The following PROM1 variants were observed in gnomAD, a reference collection of about 807,000 sequenced individuals.
PROM1 encodes the protein prominin 1.
A neutral mutation model predicts 116.9 loss-of-function variants in PROM1; 105 were observed. The ratio of observed to expected loss-of-function variants is 0.90; its 90% CI spans 0.77 to 1.06. The LOEUF is 1.06. Among genes scored for constraint, PROM1 ranks in the 50% least tolerant of loss-of-function variants. PROM1 has a pLI of 0.00. For missense variants in PROM1, 1,122 were observed against 1,045.2 expected (o/e 1.07, Z -1.01); for synonymous variants, 393 against 387.0 (o/e 1.02, Z -0.18).
chr4:16,053,848 A>T (rs1738406626), intron 2 of PROM1, among the ~76,000 whole-genome samples: 1 of 152,168 alleles, frequency 6.6e-6, no homozygotes, highest in Non-Finnish European at 1.5e-5. Flanking sequence ...TAATCCCAGC[A>T]CTCTGGGAGG....
chr4:15,973,286 A>G (rs573074229), intron 26 of PROM1, among the ~76,000 whole-genome samples: 2 of 152,280 alleles, frequency 1.3e-5, no homozygotes, highest in South Asian at 2.1e-4. Flanking sequence ...ATCTCTACTA[A>G]TAACAGAAAA....
chr4:15,991,102 T>C (rs548225525), intron 18 of PROM1, 120 bp downstream of exon 18: 2 of 735,374 alleles, frequency 2.7e-6, no homozygotes, highest in South Asian at 3.6e-5. Context: ...ACAAGAGAGG[T>C]GTTTATGAAC....
intron 2 of PROM1, among the ~76,000 whole-genome samples, chr4:16,071,535 G>A (rs1193327047): frequency 6.6e-6 from 1 of 152,130 alleles, no homozygotes; most frequent in Non-Finnish European, 1.5e-5. Context: ...GTTTAAATTA[G>A]GTCATAAGGG....
intron 2 of PROM1, among the ~76,000 whole-genome samples, chr4:16,062,727 T>C (rs1159276710): frequency 6.6e-6 from 1 of 152,234 alleles, no homozygotes; most frequent in Admixed American, 6.6e-5. Flanking sequence ...CTTCTAACAA[T>C]TAACGCCTAA....
intron 9 of PROM1, among the ~76,000 whole-genome samples, chr4:16,017,423 T>C (rs924186460): frequency 6.6e-6 from 1 of 152,252 alleles, no homozygotes; most frequent in African/African-American, 2.4e-5. Flanking sequence ...AAAATGATTA[T>C]AGTGATATCC....
At position 16,023,346 on chromosome 4, in the gene PROM1, T is replaced by G. The variant is rs1428949606; in HGVS notation, c.764A>C (p.Glu255Ala). Residue 255 changes from glutamate (E) to alanine (A), a missense_variant, in exon 8 of 28, where the codon GAG becomes GCG. By Grantham distance (107) the Glu-to-Ala change is moderately radical. Coordinates refer to ENST00000447510, the MANE Select transcript of PROM1 (RefSeq NM_006017.3). Reference sequence around the variant, plus strand: ...CTTACCTGTTGCCATGGACTTAATCTCATCAAGAACAGGGATGATGTTGGG... The same window carrying G: ...CTTACCTGTTGCCATGGACTTAATCGCATCAAGAACAGGGATGATGTTGGG... ...LRPNIIPVLDEIKSMATAIKE... is the reference protein window; with the variant it reads ...LRPNIIPVLDAIKSMATAIKE... The G allele has an allele frequency of 6.2e-7, 1 of 1,605,982 alleles. No individual in the cohort carries two copies. Among genetic ancestry groups the G allele is most frequent in the Admixed American group, 1.7e-5 (1 of 59,202 alleles).
chr4:15,996,799 A>C (rs1256519732), intron 15 of PROM1, among the ~76,000 whole-genome samples: 3 of 152,224 alleles, frequency 2.0e-5, no homozygotes, highest in African/African-American at 7.2e-5. Flanking sequence ...TTAAAATTGC[A>C]TAAAGGAACT....
At position 16,026,190 on chromosome 4, in the gene PROM1, T is replaced by C. The variant is rs148716603; in HGVS notation, c.510-878A>G. Among the ~76,000 whole-genome samples the C allele has an allele frequency of 5.2e-3, 786 of 152,384 alleles. 3 individuals carry two copies. The highest frequency in any genetic ancestry group is 0.01 in the Admixed American group (157 of 15,302). On this transcript the variant is annotated intron_variant, in intron 5 of 27. Coordinates refer to ENST00000447510, the MANE Select transcript of PROM1 (RefSeq NM_006017.3). ...TGTGAAAAAACCAAAACGTCTTTTT[T>C]CAAGCCATCTAAAATGTCTAATGTA...
chr4:16,056,962 T>C (rs550900080), intron 2 of PROM1, among the ~76,000 whole-genome samples: 58 of 152,258 alleles, frequency 3.8e-4, no homozygotes, highest in Non-Finnish European at 6.6e-4. Flanking sequence ...GCGATTTCCA[T>C]GCGAGCAAAT....
At chr4:15,999,677 G>A (rs2149180552) in intron 14 of PROM1, among the ~76,000 whole-genome samples, 1 of 152,226 alleles carries the variant, frequency 6.6e-6, no homozygotes, top group African/African-American at 2.4e-5. Context: ...AAGGCCAAAT[G>A]GAGATCATTT....
intron 16 of PROM1, 143 bp from the exon 17 acceptor site, chr4:15,992,534 C>T: frequency 1.2e-6 from 1 of 842,542 alleles, no homozygotes; most frequent in Non-Finnish European, 1.8e-6. Context: ...GGGAGGATCG[C>T]TTGAGCTCAG....
At chr4:15,999,193 C>T (rs529024326) in intron 14 of PROM1, among the ~76,000 whole-genome samples, 57 of 151,730 alleles carry the variant, frequency 3.8e-4, no homozygotes, top group African/African-American at 1.2e-3. Context: ...CACACTTGGC[C>T]GGGCGCTGTG....
rs1039090025 is a variant in PROM1 at position 15,976,094 on chromosome 4, C to A, written c.2582+3301G>T. 7.3e-5 allele frequency: 32 copies of A among 439,826 alleles called. 1 individual carries two copies. The highest frequency in any genetic ancestry group is 5.1e-5 in the Non-Finnish European group (11 of 217,532). The allele number at this position is 439,826 out of a possible 1,614,324, so 27.2% of individuals were successfully genotyped here. On this transcript the variant is annotated intron_variant, in intron 26 of 27. Coordinates refer to ENST00000447510, the MANE Select transcript of PROM1 (RefSeq NM_006017.3). ...GCTAGGCCCTTAACAAAGACAAGTC[C>A]TTCCAATGTCTGTCGTAAGCAGAAT...
chr4:15,969,639 T>G (rs1560360693), intron 27 of PROM1, among the ~76,000 whole-genome samples: 3 of 152,180 alleles, frequency 2.0e-5, no homozygotes, highest in Non-Finnish European at 4.4e-5. Context: ...CAGGCTGGAG[T>G]GCAATGGCGC....
chr4:16,019,618 A>T (rs757591208), intron 8 of PROM1, among the ~76,000 whole-genome samples: 43 of 152,186 alleles, frequency 2.8e-4, no homozygotes, highest in Non-Finnish European at 5.6e-4. Flanking sequence ...GGAGGTAGGG[A>T]ATTACAACTT....
intron 6 of PROM1, among the ~76,000 whole-genome samples, chr4:16,024,794 G>A (rs987135546): frequency 2.6e-5 from 4 of 152,130 alleles, no homozygotes; most frequent in East Asian, 1.9e-4. Flanking sequence ...GCAAATGGAT[G>A]TTTATAAAGC....
chr4:15,970,578 A>G (rs922205014), intron 27 of PROM1, among the ~76,000 whole-genome samples: 7 of 152,232 alleles, frequency 4.6e-5, no homozygotes, highest in African/African-American at 7.2e-5. Context: ...ATATAAATAC[A>G]CACACATTTA....
chr4:15,985,460 G>A (rs1004752960), intron 22 of PROM1: 19 of 338,764 alleles, frequency 5.6e-5, no homozygotes, highest in Non-Finnish European at 8.0e-5. Flanking sequence ...AAAAGTTCTC[G>A]TGCCCAGCAT....
At chr4:16,000,226 G>A (rs1161410895) in intron 14 of PROM1, among the ~76,000 whole-genome samples, 1 of 152,192 alleles carries the variant, frequency 6.6e-6, no homozygotes, top group African/African-American at 2.4e-5. Context: ...AATCCACATT[G>A]AGCGGCAGGA....
Sources: gnomAD v4.1 joint callset for allele counts (sites outside exome capture counted in the v4.1 genomes callset) on GRCh38, gnomAD v4.1.1 for gene constraint, MANE v1.5 for transcripts, NCBI Gene and HGNC (gene_info 2026-07-23, HGNC 2026-07-21) for gene names.